The following SEM1 variants were observed in gnomAD, a reference collection of about 807,000 sequenced individuals.
The protein encoded by SEM1 is 26S proteasome complex subunit SEM1.
A neutral mutation model predicts 12.7 loss-of-function variants in SEM1; 3 were observed. The observed-to-expected ratio is 0.24, with a 90% CI of 0.11 to 0.61. The LOEUF is 0.61. Among genes scored for constraint, SEM1 ranks in the 20% least tolerant of loss-of-function variants. SEM1 has a pLI of 0.88. For synonymous variants in SEM1, 30 were observed against 27.8 expected, an observed-to-expected ratio of 1.08 and a Z score of -0.25; for missense variants, 59 against 81.3, an observed-to-expected ratio of 0.73 and a Z score of 1.06.
chr7:96,635,782 A>G lies in SEM1; in HGVS notation c.171-13139T>C, dbSNP rs145154051. Among the ~76,000 whole-genome samples the G allele has an allele frequency of 3.0e-3, 464 of 152,214 alleles. 2 individuals carry two copies. Among genetic ancestry groups the G allele is most frequent in the African/African-American group, 0.01 (434 of 41,538 alleles). ...GTGTCACTGAAGTGACATTTCAACC[A>G]ATATTGTAATAGAAAAAAAATTACT... On this transcript the variant is annotated intron_variant, in intron 2 of 2. Transcript: ENST00000417009.
intron 2 of SEM1, among the ~76,000 whole-genome samples, chr7:96,668,293 A>G (rs2116566364): frequency 6.6e-6 from 1 of 152,284 alleles, no homozygotes; most frequent in Non-Finnish European, 1.5e-5. Flanking sequence ...AATTTTGACA[A>G]TTTAGTAAAA....
At chr7:96,522,732 C>CCT (rs566118443) in intron 2 of SEM1, among the ~76,000 whole-genome samples, 4 of 129,580 alleles carry the variant, frequency 3.1e-5, no homozygotes, top group African/African-American at 1.2e-4. Flanking sequence ...ACCCCCCCCC[C>CCT]AAAAAAAAAT....
chr7:96,701,630 A>G (rs910142562), intron 1 of SEM1, among the ~76,000 whole-genome samples: 5 of 152,200 alleles, frequency 3.3e-5, no homozygotes, highest in Admixed American at 6.5e-5. Context: ...TATTAGCCAT[A>G]TATTACAGAT....
chr7:96,656,134 C>T (rs73228328), intron 2 of SEM1, among the ~76,000 whole-genome samples: 13,554 of 152,216 alleles, frequency 0.089, 810 homozygotes, highest in African/African-American at 0.15. Context: ...ATTCCCTCCA[C>T]CCAAATTCCG....
rs557621827 is a variant in SEM1, at chr7:96,583,380, C to T, written c.171-76682G>A. Reference sequence around the variant, plus strand: ...GTTCTTTTACATTTGCTGAGGAGAGCTTTACTTCCAAGTATGTGGTCAATT... The same window carrying T: ...GTTCTTTTACATTTGCTGAGGAGAGTTTTACTTCCAAGTATGTGGTCAATT... On this transcript the variant is annotated intron_variant and NMD_transcript_variant, in intron 2 of 3. Transcript: ENST00000466986. 2.1e-3 allele frequency among the ~76,000 whole-genome samples: 291 copies of T among 141,686 alleles called. 1 individual carries two copies. Among genetic ancestry groups the T allele is most frequent in the Non-Finnish European group, 2.8e-3 (186 of 66,020 alleles). 93.0% of individuals were successfully genotyped at this position (141,686 alleles called of 152,430 possible).
intron 2 of SEM1, among the ~76,000 whole-genome samples, chr7:96,639,129 G>C (rs1017295837): frequency 5.9e-5 from 9 of 151,962 alleles, no homozygotes; most frequent in African/African-American, 2.2e-4. Context: ...ATATACTGCA[G>C]AGTTATCTCA....
downstream of SEM1, among the ~76,000 whole-genome samples, chr7:96,671,353 A>G (rs903587140): frequency 6.6e-6 from 1 of 152,114 alleles, no homozygotes; most frequent in Non-Finnish European, 1.5e-5. Flanking sequence ...CTCTCACTAC[A>G]TCTTATTGAA....
At chr7:96,708,250 C>A (rs1479871607) in intron 1 of SEM1, 1 of 152,090 alleles carries the variant, frequency 6.6e-6, no homozygotes, top group African/African-American at 2.4e-5. Context: ...AAATCCATTA[C>A]CAAAACAAAA....
At chr7:96,634,116 CAG>C (rs1808355169) in intron 2 of SEM1, among the ~76,000 whole-genome samples, 1 of 152,058 alleles carries the variant, frequency 6.6e-6, no homozygotes, top group South Asian at 2.1e-4. Context: ...AAGAAACACA[CAG>C]AGTCTTTATG....
At chr7:96,703,539 C>A (rs1247098730) in intron 1 of SEM1, among the ~76,000 whole-genome samples, 1 of 151,854 alleles carries the variant, frequency 6.6e-6, no homozygotes, top group Non-Finnish European at 1.5e-5. Flanking sequence ...TAGATTAGCA[C>A]ACACACAAAA....
At chr7:96,521,132 G>T (rs1470430774) in intron 2 of SEM1, among the ~76,000 whole-genome samples, 1 of 151,918 alleles carries the variant, frequency 6.6e-6, no homozygotes, top group African/African-American at 2.4e-5. Flanking sequence ...TTCTTCGAGG[G>T]GGCCTGAGGG....
chr7:96,634,138 T>C (rs1197846548), intron 2 of SEM1, among the ~76,000 whole-genome samples: 3 of 152,096 alleles, frequency 2.0e-5, no homozygotes, highest in East Asian at 3.9e-4. Context: ...GCTGAACCTA[T>C]GAAAATTGAG....
intron 2 of SEM1, among the ~76,000 whole-genome samples, chr7:96,586,990 C>A (rs771659332): frequency 7.9e-5 from 12 of 152,068 alleles, no homozygotes; most frequent in Non-Finnish European, 1.5e-4. Flanking sequence ...TTGATATTAT[C>A]CATATTCAGG....
chr7:96,638,428 G>T (rs1808494629), intron 2 of SEM1, among the ~76,000 whole-genome samples: 1 of 151,032 alleles, frequency 6.6e-6, no homozygotes, highest in African/African-American at 2.4e-5. Flanking sequence ...TCTTTATTTG[G>T]GCAATCTTTG....
chr7:96,574,859 C>T (rs1806155650), intron 2 of SEM1, among the ~76,000 whole-genome samples: 1 of 152,150 alleles, frequency 6.6e-6, no homozygotes, highest in Non-Finnish European at 1.5e-5. Context: ...GTTAGCAATT[C>T]CTCTAACCTT....
At chr7:96,689,245 T>G (rs1366380856) in intron 2 of SEM1, among the ~76,000 whole-genome samples, 1 of 152,184 alleles carries the variant, frequency 6.6e-6, no homozygotes, top group Non-Finnish European at 1.5e-5. Flanking sequence ...AGGGACTTAC[T>G]GCTATCCTTC....
intron 2 of SEM1, among the ~76,000 whole-genome samples, chr7:96,560,423 C>A (rs960907859): frequency 2.0e-5 from 3 of 152,026 alleles, no homozygotes; most frequent in African/African-American, 7.2e-5. Context: ...AATTTATTGG[C>A]CATCTAAATT....
chr7:96,562,208 T>G (rs540909384), intron 2 of SEM1, among the ~76,000 whole-genome samples: 2 of 152,202 alleles, frequency 1.3e-5, no homozygotes, highest in African/African-American at 2.4e-5. Context: ...AAAATCATAT[T>G]AATTTGTTAA....
rs751300552 is a variant in SEM1 at position 96,709,792 on chromosome 7, G to A, written c.-29C>T. 8 of 1,610,806 alleles carry A rather than the reference G, an allele frequency of 5.0e-6. No homozygotes were observed. Among genetic ancestry groups the A allele is most frequent in the Admixed American group, 1.7e-5 (1 of 59,888 alleles). On this transcript the variant is annotated 5_prime_UTR_variant, in exon 1 of 3. Transcript: ENST00000248566. Reference sequence around the variant, plus strand: ...GACTGTCCGCGCCCAACACCTCCCAGATAAGCAGAAAAGTTGGAACCCTCA... The same window carrying A: ...GACTGTCCGCGCCCAACACCTCCCAAATAAGCAGAAAAGTTGGAACCCTCA...
Sources: gnomAD v4.1 joint callset for allele counts (sites outside exome capture counted in the v4.1 genomes callset) on GRCh38, gnomAD v4.1.1 for gene constraint, MANE v1.5 for transcripts, NCBI Gene and HGNC (gene_info 2026-07-23, HGNC 2026-07-21) for gene names.